Variants in PLCH2 observed in about 807,000 individuals in gnomAD.
PLCH2 encodes the protein 1-phosphatidylinositol 4,5-bisphosphate phosphodiesterase eta-2.
Under a neutral mutation model 134.7 loss-of-function variants are expected in PLCH2, and 98 were observed. That is an observed-to-expected ratio of 0.73 (90% confidence interval 0.62 to 0.86). The LOEUF is 0.86. Among genes scored for constraint, PLCH2 ranks in the 40% least tolerant of loss-of-function variants. PLCH2 has a pLI of 0.00. For synonymous variants in PLCH2, 974 were observed against 827.5 expected, an observed-to-expected ratio of 1.18 and a Z score of -3.04; for missense variants, 1,994 against 1,986.6, an observed-to-expected ratio of 1.00 and a Z score of -0.07.
intron 2 of PLCH2, among the ~76,000 whole-genome samples, chr1:2,456,152 G>C (rs1338063043): frequency 6.6e-6 from 1 of 152,202 alleles, no homozygotes; most frequent in African/African-American, 2.4e-5. Context: ...GGGAGGCCCA[G>C]CTTGTCCCTT....
Position 2,486,947 on chromosome 1 carries a change from A to G in PLCH2, c.857A>G (p.Glu286Gly). The change falls in exon 6 of 22, where the codon GAG (glutamate) becomes GGG (glycine). Residue 286 changes from glutamate (E) to glycine (G), a missense_variant. Physicochemically the swap from Glu to Gly is moderately conservative, Grantham distance 98. This residue lies in a region of PLCH2 where 1,094 missense variants were observed against 1,234.3 expected (regional missense o/e 0.89). Coordinates refer to ENST00000378486, the MANE Select transcript of PLCH2 (RefSeq NM_014638.4). ...CTCGAGAGCTGCCAGGACATCATCGAGCAGTTTGAGCCATGCCCAGAAAAC... is the reference window on the plus strand; with the variant it reads ...CTCGAGAGCTGCCAGGACATCATCGGGCAGTTTGAGCCATGCCCAGAAAAC... ...VTLESCQDII[E>G]QFEPCPENKS... 6.2e-7 allele frequency: 1 copy of G among 1,608,750 alleles called. No homozygotes were observed. The highest frequency in any genetic ancestry group is 1.7e-5 in the Admixed American group (1 of 59,458).
In PLCH2 at chr1:2,502,263, AG is replaced by A; in HGVS notation, c.2814del (p.Lys938AsnfsTer108). 2 of 1,541,150 alleles carry A rather than the reference AG, an allele frequency of 1.3e-6. No homozygotes were observed. The highest frequency in any genetic ancestry group is 8.7e-7 in the Non-Finnish European group (1 of 1,144,526). Reference protein sequence around the residue: ...RTASAPTKSQKPGRRGFPELV... With the variant: ...RTASAPTKSQXPGRRGFPELV... ...GCCAGCGCCCCGACCAAGAGCCAGA[AG>A]CCGGGCCGCAGGGGCTTCCCGGAGC... On this transcript the variant is annotated frameshift_variant, in exon 21 of 22. Transcript: ENST00000378486. LOFTEE classifies it high-confidence loss of function.
rs138457007 is a variant in PLCH2, at chr1:2,448,965, G to C, written c.115+18336G>C. 6.6e-6 allele frequency among the ~76,000 whole-genome samples: 1 copy of C among 152,192 alleles called. No homozygotes were observed. Among genetic ancestry groups the C allele is most frequent in the Non-Finnish European group, 1.5e-5 (1 of 68,032 alleles). ...TTGTACGTGGCTCCTTTGCTGGCGC[G>C]GGGAAAGGGCCGTGGGCTTGGGCCC... On this transcript the variant is annotated intron_variant, in intron 2 of 3. Coordinates refer to the PLCH2 transcript ENST00000609981. The surrounding 1 kb of genome is among the most constrained non-coding windows in gnomAD (Gnocchi z 4.0).
Position 2,494,907 on chromosome 1 carries a change from C to G in PLCH2, c.1711C>G (p.Arg571Gly), listed in dbSNP as rs567604431. ...TGGGGAGGATGCCGGGGCCAGCAGA[C>G]GCAATGGCCGCCTCGTCGTGGGAAG... Reference protein sequence around the residue: ...ESGEDAGASRRNGRLVVGSFS... With the variant: ...ESGEDAGASRGNGRLVVGSFS... Residue 571 changes from arginine (R) to glycine (G), a missense_variant, in exon 12 of 22, where the codon CGC (arginine) becomes GGC (glycine). Around this residue, in one of 2 missense-constraint regions of PLCH2, gnomAD observed 1,094 missense variants for 1,234.3 expected, o/e 0.89. Transcript: ENST00000378486. 26 of 1,604,742 alleles carry G rather than the reference C, an allele frequency of 1.6e-5. No homozygotes were observed. The highest frequency in any genetic ancestry group is 2.2e-5 in the Non-Finnish European group (26 of 1,176,944).
At chr1:2,457,988 G>A (rs1640580063) in intron 2 of PLCH2, among the ~76,000 whole-genome samples, 1 of 152,142 alleles carries the variant, frequency 6.6e-6, no homozygotes, top group South Asian at 2.1e-4. Context: ...CGGGCCTCAG[G>A]CACCAAGGAG....
rs758763814 is a variant in PLCH2, at chr1:2,504,273, C to T, written c.3311C>T (p.Pro1104Leu). The part of the protein sequence containing the change: ...VKSEGQVPTE[P>L]LGGWRPLAAP... ...AGTGAGGGGCAGGTGCCCACGGAGC[C>T]CCTGGGAGGGTGGCGGCCCCTGGCC... is the stretch of plus-strand genomic sequence containing the variant. Residue 1104 changes from proline to leucine, a missense_variant, in exon 22 of 22, where the codon CCC becomes CTC. This residue lies in a region of PLCH2 where 900 missense variants were observed against 752.3 expected (regional missense o/e 1.20). Coordinates refer to ENST00000378486, the MANE Select transcript of PLCH2 (RefSeq NM_014638.4). 51 of 1,595,186 alleles carry T rather than the reference C, an allele frequency of 3.2e-5. No individual in the cohort carries two copies. The highest frequency in any genetic ancestry group is 4.3e-5 in the Non-Finnish European group (50 of 1,173,210).
Position 2,451,880 on chromosome 1 carries a change from A to G in PLCH2, c.115+21251A>G, listed in dbSNP as rs1640251001. On this transcript the variant is annotated intron_variant, in intron 2 of 3. Transcript: ENST00000609981. Reference sequence around the variant, plus strand: ...TGTGATTCAGGCTGAGCTGTCACGGATGCCTGTCATCGGCATGCTGGTGGG... The same window carrying G: ...TGTGATTCAGGCTGAGCTGTCACGGGTGCCTGTCATCGGCATGCTGGTGGG... Among the ~76,000 whole-genome samples the G allele has an allele frequency of 2.6e-5, 4 of 152,060 alleles. No homozygotes were observed. The South Asian group carries it at 6.2e-4, about 24-fold the overall frequency.
chr1:2,480,051 T>A (rs1364318840), intron 3 of PLCH2, 74 bp downstream of exon 3: 1 of 1,581,110 alleles, frequency 6.3e-7, no homozygotes, highest in East Asian at 2.3e-5. Context: ...GGGGGGCCTG[T>A]CCTTTGCCGG....
upstream of PLCH2, among the ~76,000 whole-genome samples, chr1:2,421,612 G>A (rs904476756): frequency 1.3e-5 from 2 of 152,060 alleles, no homozygotes; most frequent in African/African-American, 4.8e-5. Flanking sequence ...GCTCAAGTGG[G>A]AATATTTACA....
upstream of PLCH2, among the ~76,000 whole-genome samples, chr1:2,472,326 G>C (rs1641363514): frequency 6.6e-6 from 1 of 152,212 alleles, no homozygotes; most frequent in Non-Finnish European, 1.5e-5. Context: ...CTGTGGCTGG[G>C]GCAAGGTGGC....
chr1:2,499,153 T>C lies in PLCH2; in HGVS notation c.2504T>C (p.Phe835Ser). The C allele has an allele frequency of 6.2e-7, 1 of 1,613,172 alleles. No homozygotes were observed. The highest frequency in any genetic ancestry group is 8.5e-7 in the Non-Finnish European group (1 of 1,179,780). ...VHMPEIALVRFLVWDHDPIGR... is the reference protein window; with the variant it reads ...VHMPEIALVRSLVWDHDPIGR... The stretch of plus-strand genomic sequence containing the variant: ...ATGCCGGAGATCGCGCTGGTCCGCT[T>C]CCTCGTCTGGGACCACGATCCCATC... Residue 835 changes from phenylalanine to serine, a missense_variant, in exon 19 of 22, where the codon TTC becomes TCC. Transcript: ENST00000378486.
upstream of PLCH2, among the ~76,000 whole-genome samples, chr1:2,424,348 C>T (rs1372829702): frequency 6.6e-6 from 1 of 152,120 alleles, no homozygotes; most frequent in African/African-American, 2.4e-5. Context: ...TAACTGAGGC[C>T]TGGCACCCTT....
rs892877330 is a variant in PLCH2 at position 2,439,639 on chromosome 1, TGACCTCAGGCTGCAGAAGGGCCTCTGA to T, written c.115+9017_115+9043del. On this transcript the variant is annotated intron_variant, in intron 2 of 3. Transcript: ENST00000609981. This position sits in a 1 kb window ranked among gnomAD's most constrained non-coding sequence, Gnocchi z 4.7. ...TCTCCGGGCTGTCTGTCCTCCATGG[TGACCTCAGGCTGCAGAAGGGCCTCTGA>T]GACCTCCCGCCCAGGTCTCTGGCCC... 2.0e-5 allele frequency among the ~76,000 whole-genome samples: 3 copies of T among 152,164 alleles called. No homozygotes were observed. Among genetic ancestry groups the T allele is most frequent in the Non-Finnish European group, 2.9e-5 (2 of 68,014 alleles).
At chr1:2,485,464 G>C (rs1434198268) in intron 5 of PLCH2, among the ~76,000 whole-genome samples, 1 of 152,188 alleles carries the variant, frequency 6.6e-6, no homozygotes, top group East Asian at 1.9e-4. Flanking sequence ...CCCTCCTCAG[G>C]GAGGAGAGCA....
At chr1:2,496,543 C>T in intron 13 of PLCH2, 64 bp from the exon 14 acceptor site, 1 of 1,372,826 alleles carries the variant, frequency 7.3e-7, no homozygotes, top group Non-Finnish European at 1.0e-6. Context: ...GAGCCCGTCT[C>T]ACGGAGCTGG....
chr1:2,492,853 C>G (rs1012737907), intron 11 of PLCH2, among the ~76,000 whole-genome samples: 1 of 152,150 alleles, frequency 6.6e-6, no homozygotes, highest in African/African-American at 2.4e-5. Context: ...CCTCTACTCA[C>G]GAGTCCCTGA....
chr1:2,421,805 C>T (rs961809373), upstream of PLCH2, among the ~76,000 whole-genome samples: 2 of 151,660 alleles, frequency 1.3e-5, no homozygotes, highest in Admixed American at 6.6e-5. Context: ...GAAACCCCGT[C>T]TCTACTAAAA....
intron 16 of PLCH2, 195 bp downstream of exon 16, chr1:2,497,804 C>T (rs565837209): frequency 1.4e-4 from 73 of 531,284 alleles, no homozygotes; most frequent in South Asian, 1.2e-3. Context: ...TCCTTGCTAG[C>T]GTTGCAAAGA....
chr1:2,503,368 T>C (rs757731472), intron 21 of PLCH2: 18 of 581,830 alleles, frequency 3.1e-5, no homozygotes, highest in East Asian at 1.4e-4. Context: ...GGAAGTCTGA[T>C]GTGGGCAGGT....
Sources: gnomAD v4.1 joint callset for allele counts (sites outside exome capture counted in the v4.1 genomes callset) on GRCh38, gnomAD v4.1.1 for gene constraint, gnomAD v4.1.1 regional missense constraint, Gnocchi (gnomAD v3.1) non-coding constraint, MANE v1.5 for transcripts, NCBI Gene and HGNC (gene_info 2026-07-23, HGNC 2026-07-21) for gene names.